OSBPL6: variants seen among roughly 807,000 people sequenced by gnomAD.
OSBPL6 encodes the protein oxysterol-binding protein-related protein 6.
In OSBPL6, 49 loss-of-function variants were observed where a neutral mutation model predicts 125.8. That is an observed-to-expected ratio of 0.39 (90% CI 0.31 to 0.49). OSBPL6 has a LOEUF of 0.49. Among genes scored for constraint, OSBPL6 ranks in the 20% least tolerant of loss-of-function variants. The pLI, the probability that OSBPL6 is intolerant of heterozygous loss-of-function variation, is 0.88. For missense variants in OSBPL6, 986 were observed against 1,135.4 expected (o/e 0.87, Z 1.89); for synonymous variants, 394 against 391.8 (o/e 1.01, Z -0.07).
At chr2:178,267,155 A>ACCAG (rs1410473337) in intron 1 of OSBPL6, among the ~76,000 whole-genome samples, 1 of 152,138 alleles carries the variant, frequency 6.6e-6, no homozygotes, top group Non-Finnish European at 1.5e-5. Context: ...GGAGTTCGAG[A>ACCAG]CCAGCCTAGC....
At chr2:178,369,208 A>G (rs1443844116) in intron 13 of OSBPL6, among the ~76,000 whole-genome samples, 1 of 152,242 alleles carries the variant, frequency 6.6e-6, no homozygotes, top group Non-Finnish European at 1.5e-5. Flanking sequence ...AGAATTAAGT[A>G]AGGACACAGG....
At chr2:178,268,742 T>C (rs2092307037) in intron 1 of OSBPL6, among the ~76,000 whole-genome samples, 1 of 152,228 alleles carries the variant, frequency 6.6e-6, no homozygotes, top group African/African-American at 2.4e-5. Flanking sequence ...CAATATTCTA[T>C]ATTTTGTCTC....
intron 20 of OSBPL6, among the ~76,000 whole-genome samples, chr2:178,387,598 T>A (rs1018320813): frequency 2.6e-5 from 4 of 152,226 alleles, no homozygotes; most frequent in Middle Eastern, 3.2e-3. Context: ...GCCAAGGACT[T>A]GATTGTTTCT....
intron 1 of OSBPL6, among the ~76,000 whole-genome samples, chr2:178,249,583 A>G (rs958255868): frequency 1.3e-5 from 2 of 152,002 alleles, no homozygotes; most frequent in African/African-American, 4.8e-5. Context: ...ATGTACAGAA[A>G]CCTTTTTCTG....
At chr2:178,352,211 C>T (rs77663436) in intron 12 of OSBPL6, among the ~76,000 whole-genome samples, 31,228 of 152,030 alleles carry the variant, frequency 0.21, 3,345 homozygotes, top group Admixed American at 0.29. Context: ...AACTGAGGTA[C>T]GTGGTTCATC....
chr2:178,307,073 T>C (rs1686826916), intron 3 of OSBPL6, among the ~76,000 whole-genome samples: 1 of 152,222 alleles, frequency 6.6e-6, no homozygotes, highest in Non-Finnish European at 1.5e-5. Flanking sequence ...TGTTATTACC[T>C]TTTTATAAAA....
At chr2:178,370,457 T>C (rs1031075396) in intron 13 of OSBPL6, among the ~76,000 whole-genome samples, 2 of 152,308 alleles carry the variant, frequency 1.3e-5, no homozygotes, top group Non-Finnish European at 1.5e-5. Flanking sequence ...TCCTAACTTA[T>C]AGGAGAAAGG....
chr2:178,231,157 G>A (rs2090800011), intron 1 of OSBPL6, among the ~76,000 whole-genome samples: 1 of 152,138 alleles, frequency 6.6e-6, no homozygotes, highest in East Asian at 1.9e-4. Flanking sequence ...GTGGACCTCA[G>A]CAGGTTTCAT....
At chr2:178,247,731 G>A (rs1468454842) in intron 1 of OSBPL6, among the ~76,000 whole-genome samples, 1 of 152,124 alleles carries the variant, frequency 6.6e-6, no homozygotes, top group Non-Finnish European at 1.5e-5. Context: ...TCTTGGGCCT[G>A]TGTTTGAAAT....
At chr2:178,264,207 CT>C (rs2092157486) in intron 1 of OSBPL6, among the ~76,000 whole-genome samples, 1 of 152,120 alleles carries the variant, frequency 6.6e-6, no homozygotes, top group Admixed American at 6.5e-5. Flanking sequence ...AATTAAGTCC[CT>C]TGAAATTACT....
In OSBPL6 at chr2:178,400,574, A is replaced by G. The variant is rs1400247577; in HGVS notation, c.*5015A>G. ...AGTGCTGGGATTACAGGTGTGAGCA[A>G]CCGCGCCTGGACTCAAGTTCTTTTT... is the stretch of plus-strand genomic sequence containing the variant. On this transcript the variant is annotated 3_prime_UTR_variant, in exon 25 of 25. Coordinates refer to ENST00000190611, the MANE Select transcript of OSBPL6 (RefSeq NM_032523.4). 6.6e-6 allele frequency: 1 copy of G among 152,188 alleles called. No homozygotes were observed. The highest frequency in any genetic ancestry group is 1.5e-5 in the Non-Finnish European group (1 of 68,048). 9.4% of individuals were successfully genotyped at this position (152,188 alleles called of 1,614,324 possible). A position where few individuals can be genotyped will look rare whatever the true frequency, so the allele number is the denominator to read the frequency against.
chr2:178,244,533 A>G (rs2195836), intron 1 of OSBPL6, among the ~76,000 whole-genome samples: 10,147 of 152,292 alleles, frequency 0.067, 451 homozygotes, highest in Non-Finnish European at 0.096. Flanking sequence ...GAATCATTGA[A>G]TGTCTTTATA....
chr2:178,272,529 T>C (rs954468590), intron 1 of OSBPL6, among the ~76,000 whole-genome samples: 17 of 152,150 alleles, frequency 1.1e-4, no homozygotes, highest in African/African-American at 3.6e-4. Context: ...TGGAAGTATA[T>C]TATCAGTTAC....
At chr2:178,377,472 T>C (rs79991269) in intron 15 of OSBPL6, among the ~76,000 whole-genome samples, 493 of 152,328 alleles carry the variant, frequency 3.2e-3, no homozygotes, top group African/African-American at 0.012. Context: ...GAGACTTGGA[T>C]GGGGACACAC....
intron 19 of OSBPL6, among the ~76,000 whole-genome samples, chr2:178,386,036 CA>C (rs1243874001): frequency 1.3e-5 from 2 of 152,136 alleles, no homozygotes. Context: ...TTGCCTAATA[CA>C]AAAAAGTTTC....
At chr2:178,375,126 T>C (rs1343970472) in intron 15 of OSBPL6, among the ~76,000 whole-genome samples, 1 of 152,174 alleles carries the variant, frequency 6.6e-6, no homozygotes, top group African/African-American at 2.4e-5. Flanking sequence ...TAGTGCCTCT[T>C]TTCCTGTAGG....
intron 12 of OSBPL6, 52 bp from the exon 13 acceptor site, chr2:178,361,630 T>C: frequency 6.3e-7 from 1 of 1,597,386 alleles, no homozygotes; most frequent in Non-Finnish European, 8.6e-7. Context: ...TAATGTTGTG[T>C]ATTCTTTCTG....
At chr2:178,204,226 G>A (rs1426433382) in intron 1 of OSBPL6, among the ~76,000 whole-genome samples, 1 of 152,026 alleles carries the variant, frequency 6.6e-6, no homozygotes. Context: ...GTTACACCAT[G>A]TTGGCCAAGC....
chr2:178,227,417 A>G (rs887825860), intron 1 of OSBPL6, among the ~76,000 whole-genome samples: 2 of 152,232 alleles, frequency 1.3e-5, no homozygotes, highest in African/African-American at 4.8e-5. Flanking sequence ...GACCAGTCAC[A>G]TTTCCTGCAA....
Sources: allele counts gnomAD v4.1 joint callset (sites outside exome capture counted in the v4.1 genomes callset), GRCh38; gene constraint gnomAD v4.1.1; transcripts MANE v1.5; gene names NCBI Gene and HGNC (gene_info 2026-07-23, HGNC 2026-07-21).